TMTC1: variants seen among roughly 807,000 people sequenced by gnomAD.
The protein encoded by TMTC1 is protein O-mannosyl-transferase TMTC1.
TMTC1 carries 73 observed loss-of-function variants against 104.8 expected under a neutral mutation model. The ratio of observed to expected loss-of-function variants is 0.70; its 90% confidence interval spans 0.58 to 0.85. The LOEUF is 0.85. Among genes scored for constraint, TMTC1 ranks in the 40% least tolerant of loss-of-function variants. The pLI is 0.00. For missense variants in TMTC1, 1,035 were observed against 1,096.1 expected (o/e 0.94, Z 0.79); for synonymous variants, 434 against 428.7 (o/e 1.01, Z -0.15).
intron 5 of TMTC1, among the ~76,000 whole-genome samples, chr12:29,676,608 T>C (rs1027743744): frequency 2.0e-5 from 3 of 152,216 alleles, no homozygotes; most frequent in Admixed American, 6.5e-5. Context: ...GGATCCCATC[T>C]ACACTCTGCC....
At chr12:29,524,584 T>C (rs1470330591) in intron 11 of TMTC1, among the ~76,000 whole-genome samples, 1 of 152,156 alleles carries the variant, frequency 6.6e-6, no homozygotes, top group Non-Finnish European at 1.5e-5. Flanking sequence ...CTTTAAATTA[T>C]GGGAAAAGGG....
intron 11 of TMTC1, chr12:29,535,666 A>G (rs1210612910): frequency 6.5e-6 from 1 of 153,074 alleles, no homozygotes; most frequent in African/African-American, 2.4e-5. Context: ...TCTCCATAGC[A>G]GGGGTCATGC....
At chr12:29,721,199 TGAGA>T (rs1338236877) in intron 5 of TMTC1, among the ~76,000 whole-genome samples, 3 of 152,018 alleles carry the variant, frequency 2.0e-5, no homozygotes, top group Non-Finnish European at 2.9e-5. Context: ...GTGTGTGTGT[TGAGA>T]GAGAGAGATT....
chr12:29,757,467 G>A (rs192729159), intron 3 of TMTC1, among the ~76,000 whole-genome samples: 10 of 152,286 alleles, frequency 6.6e-5, no homozygotes, highest in Non-Finnish European at 1.3e-4. Flanking sequence ...TGGCTAGGAC[G>A]AGGAGGAAAA....
rs1392903783 is a variant in TMTC1 at position 29,599,299 on chromosome 12, G to C, written c.1250+4879C>G. Reference sequence around the variant, plus strand: ...AATGATTTCAGCCCCAAACTCTCTTGCCTGTTCAAAAAGGAGATCTGCAAA... The same window carrying C: ...AATGATTTCAGCCCCAAACTCTCTTCCCTGTTCAAAAAGGAGATCTGCAAA... On this transcript the variant is annotated intron_variant, in intron 7 of 17. Transcript: ENST00000539277. Among the ~76,000 whole-genome samples, 3 of 152,172 alleles carry C rather than the reference G, an allele frequency of 2.0e-5. No homozygotes were observed. The East Asian group carries it at 5.8e-4, about 29-fold the overall frequency.
intron 11 of TMTC1, among the ~76,000 whole-genome samples, chr12:29,530,358 C>T (rs1443315053): frequency 1.3e-5 from 2 of 152,138 alleles, no homozygotes; most frequent in Non-Finnish European, 2.9e-5. Context: ...AACCAACCAC[C>T]TCATTCTGCA....
chr12:29,661,674 G>A (rs1654776480), intron 5 of TMTC1, among the ~76,000 whole-genome samples: 1 of 150,414 alleles, frequency 6.6e-6, no homozygotes, highest in African/African-American at 2.5e-5. Flanking sequence ...GACCTCAGGT[G>A]ATCCACCCAC....
chr12:29,552,274 A>T (rs1010174303), intron 10 of TMTC1, among the ~76,000 whole-genome samples: 5 of 149,394 alleles, frequency 3.3e-5, no homozygotes, highest in South Asian at 4.2e-4. Flanking sequence ...TATTTCATTT[A>T]AAAAAAAAAG....
At chr12:29,643,033 C>G (rs1938933463) in intron 5 of TMTC1, among the ~76,000 whole-genome samples, 1 of 151,532 alleles carries the variant, frequency 6.6e-6, no homozygotes, top group Admixed American at 6.6e-5. Flanking sequence ...GGCCAACAAA[C>G]GTGAAAAAAT....
rs905584358 is a variant in TMTC1 at position 29,740,172 on chromosome 12, C to T, written c.938+11494G>A. Reference sequence around the variant, plus strand: ...GAAACCACAGGTGTGCACCACCATGCCTAGCTCATTTTTAAAAAAAATTTT... The same window carrying T: ...GAAACCACAGGTGTGCACCACCATGTCTAGCTCATTTTTAAAAAAAATTTT... On this transcript the variant is annotated intron_variant, in intron 5 of 17. Transcript: ENST00000539277. Among the ~76,000 whole-genome samples the T allele has an allele frequency of 2.0e-5, 3 of 152,200 alleles. No homozygotes were observed. In the East Asian group the frequency reaches 5.8e-4, roughly 29 times the overall value.
intron 5 of TMTC1, among the ~76,000 whole-genome samples, chr12:29,722,538 A>G (rs1016290104): frequency 6.6e-6 from 1 of 152,218 alleles, no homozygotes; most frequent in Admixed American, 6.5e-5. Context: ...AGCAAAAATT[A>G]TAAAGGTTAA....
chr12:29,741,789 G>A (rs987575715), intron 5 of TMTC1, among the ~76,000 whole-genome samples: 3 of 152,126 alleles, frequency 2.0e-5, no homozygotes, highest in Non-Finnish European at 2.9e-5. Flanking sequence ...CCATGATTAC[G>A]TCTACATTTC....
intron 9 of TMTC1, among the ~76,000 whole-genome samples, chr12:29,568,288 T>A (rs1172656582): frequency 1.3e-5 from 2 of 152,268 alleles, no homozygotes; most frequent in East Asian, 3.9e-4. Flanking sequence ...CGATAAAATT[T>A]AAGTGTGAAG....
chr12:29,724,004 A>G (rs2136891756), intron 5 of TMTC1, among the ~76,000 whole-genome samples: 1 of 152,348 alleles, frequency 6.6e-6, no homozygotes. Context: ...ACCTCAAGAT[A>G]GAGAAGACCA....
At chr12:29,646,247 T>C (rs988426717) in intron 5 of TMTC1, among the ~76,000 whole-genome samples, 1 of 152,166 alleles carries the variant, frequency 6.6e-6, no homozygotes, top group South Asian at 2.1e-4. Context: ...AAAATCCATA[T>C]ATAATCTCCT....
chr12:29,765,543 A>G (rs957997187), intron 2 of TMTC1, among the ~76,000 whole-genome samples: 3 of 152,274 alleles, frequency 2.0e-5, no homozygotes, highest in East Asian at 1.9e-4. Flanking sequence ...AATTAAATCT[A>G]TATTTCAAAT....
intron 6 of TMTC1, among the ~76,000 whole-genome samples, chr12:29,620,002 T>C (rs1205874495): frequency 6.6e-6 from 1 of 152,170 alleles, no homozygotes; most frequent in Non-Finnish European, 1.5e-5. Context: ...AAACATAGAT[T>C]CTGGTCATGG....
chr12:29,522,554 A>ATGTG lies in TMTC1; in HGVS notation c.1786-1838_1786-1835dup, dbSNP rs4034168. Among the ~76,000 whole-genome samples the ATGTG allele has an allele frequency of 1.3e-3, 198 of 148,808 alleles. 1 individual carries two copies. Among genetic ancestry groups the ATGTG allele is most frequent in the South Asian group, 3.5e-3 (16 of 4,592 alleles). On this transcript the variant is annotated intron_variant, in intron 11 of 17. Coordinates refer to ENST00000539277, the MANE Select transcript of TMTC1 (RefSeq NM_001193451.2). ...GCTCTCGTCCATTGAAGGACTGACA[A>ATGTG]TGTGTGTGTGTGTGTGTGTGTGTGT...
At chr12:29,574,722 C>A (rs193084853) in intron 8 of TMTC1, among the ~76,000 whole-genome samples, 1 of 152,222 alleles carries the variant, frequency 6.6e-6, no homozygotes, top group Non-Finnish European at 1.5e-5. Flanking sequence ...ACGGGCACCA[C>A]CCCTACTGGA....
Sources: gnomAD v4.1 joint callset for allele counts (sites outside exome capture counted in the v4.1 genomes callset) on GRCh38, gnomAD v4.1.1 for gene constraint, MANE v1.5 for transcripts, NCBI Gene and HGNC (gene_info 2026-07-23, HGNC 2026-07-21) for gene names.